Variants in DCC observed in about 807,000 individuals in gnomAD.
DCC encodes the protein DCC netrin 1 receptor, also known as netrin receptor DCC.
In DCC, 58 loss-of-function variants were observed where a neutral mutation model predicts 172.5. The observed-to-expected ratio is 0.34, with a 90% CI of 0.27 to 0.42. The LOEUF (loss-of-function observed/expected upper bound fraction) is 0.42, where lower values mean the gene tolerates loss of function less well. DCC is among the 10% of genes least tolerant of loss of function. The pLI is 1.00. For synonymous variants in DCC, 709 were observed against 644.5 expected (o/e 1.10, Z -1.52); for missense variants, 1,740 against 1,791.0 (o/e 0.97, Z 0.51).
chr18:53,012,231 A>G (rs2041740619), intron 5 of DCC, among the ~76,000 whole-genome samples: 2 of 152,112 alleles, frequency 1.3e-5, no homozygotes, highest in Middle Eastern at 6.8e-3. Flanking sequence ...AAAATTGCCA[A>G]AAGAAGGTAT....
At chr18:52,556,452 C>A (rs766539814) in intron 1 of DCC, among the ~76,000 whole-genome samples, 3 of 152,038 alleles carry the variant, frequency 2.0e-5, no homozygotes, top group African/African-American at 7.2e-5. Flanking sequence ...TGAAGGAGAA[C>A]AAACTTGGTA....
chr18:53,471,499 C>G (rs377195816), intron 25 of DCC, among the ~76,000 whole-genome samples: 1 of 152,114 alleles, frequency 6.6e-6, no homozygotes. Context: ...TAATGTTGTT[C>G]CTCTGTGACT....
chr18:52,395,953 A>G (rs1172926098), intron 1 of DCC, among the ~76,000 whole-genome samples: 4 of 152,120 alleles, frequency 2.6e-5, no homozygotes, highest in Admixed American at 6.6e-5. Context: ...AGATTCACAT[A>G]AGTCAGGATA....
At chr18:52,702,981 G>A (rs534834644) in intron 1 of DCC, among the ~76,000 whole-genome samples, 1 of 149,692 alleles carries the variant, frequency 6.7e-6, no homozygotes, top group Non-Finnish European at 1.5e-5. Flanking sequence ...GAAAATCAAG[G>A]TTCTGAGTGT....
chr18:52,784,420 A>T (rs767576440), intron 2 of DCC, among the ~76,000 whole-genome samples: 5 of 152,052 alleles, frequency 3.3e-5, no homozygotes, highest in Non-Finnish European at 5.9e-5. Context: ...TCTCCATTGG[A>T]TAAATACCTA....
At chr18:53,247,607 A>G (rs1053383015) in intron 12 of DCC, among the ~76,000 whole-genome samples, 18 of 152,016 alleles carry the variant, frequency 1.2e-4, no homozygotes, top group African/African-American at 3.6e-4. Flanking sequence ...GGAGTCACAT[A>G]AAGATGTAGA....
At chr18:52,787,603 A>G (rs1444084646) in intron 2 of DCC, among the ~76,000 whole-genome samples, 2 of 152,116 alleles carry the variant, frequency 1.3e-5, no homozygotes, top group Non-Finnish European at 2.9e-5. Flanking sequence ...ATCCCATGCA[A>G]CTAAACATGT....
chr18:52,367,045 C>T lies in DCC; in HGVS notation c.91+26167C>T, dbSNP rs554033325. ...GGCGGGCTACAGGTCCCGAGCCCTGCCCCGCGGGAAGGCAGCTAAGGCACG... is the reference window on the plus strand; with the variant it reads ...GGCGGGCTACAGGTCCCGAGCCCTGTCCCGCGGGAAGGCAGCTAAGGCACG... On this transcript the variant is annotated intron_variant, in intron 1 of 28. Transcript: ENST00000442544. Among the ~76,000 whole-genome samples the T allele has an allele frequency of 2.6e-5, 4 of 152,338 alleles. No homozygotes were observed. The South Asian group carries it at 6.2e-4, about 24-fold the overall frequency.
chr18:52,785,086 G>A (rs936594239), intron 2 of DCC, among the ~76,000 whole-genome samples: 1 of 151,960 alleles, frequency 6.6e-6, no homozygotes, highest in Non-Finnish European at 1.5e-5. Context: ...TTTACATAGT[G>A]CACAGGGAAG....
chr18:52,918,430 G>A (rs923102957), intron 3 of DCC, among the ~76,000 whole-genome samples: 3 of 151,986 alleles, frequency 2.0e-5, no homozygotes, highest in Non-Finnish European at 4.4e-5. Flanking sequence ...TATTCTTACC[G>A]AGCTTAGAGG....
intron 7 of DCC, among the ~76,000 whole-genome samples, chr18:53,129,828 T>C (rs560317777): frequency 9.8e-5 from 15 of 152,294 alleles, no homozygotes; most frequent in African/African-American, 2.6e-4. Flanking sequence ...TTAGCACTTA[T>C]GTTTTCATTT....
intron 12 of DCC, among the ~76,000 whole-genome samples, chr18:53,274,171 C>T (rs1381957282): frequency 1.3e-5 from 2 of 152,128 alleles, no homozygotes; most frequent in East Asian, 3.9e-4. Flanking sequence ...TATATATTCA[C>T]ACACAAGTAC....
At chr18:53,057,772 A>G (rs892957193) in intron 5 of DCC, among the ~76,000 whole-genome samples, 1 of 152,140 alleles carries the variant, frequency 6.6e-6, no homozygotes, top group African/African-American at 2.4e-5. Context: ...CAAAAAGCCT[A>G]AAGTAGTGAA....
chr18:52,916,061 TTTTA>T (rs1224873707), intron 3 of DCC, among the ~76,000 whole-genome samples: 22 of 152,144 alleles, frequency 1.4e-4, no homozygotes. Flanking sequence ...AAATTATTAA[TTTTA>T]TTGTCTCGAT....
At chr18:52,525,335 T>G (rs2031950584) in intron 1 of DCC, among the ~76,000 whole-genome samples, 1 of 152,196 alleles carries the variant, frequency 6.6e-6, no homozygotes, top group Non-Finnish European at 1.5e-5. Context: ...CTTTAGCCCC[T>G]TTCATGCCCA....
At chr18:53,408,868 A>T (rs1012693416) in intron 19 of DCC, among the ~76,000 whole-genome samples, 1 of 152,190 alleles carries the variant, frequency 6.6e-6, no homozygotes, top group African/African-American at 2.4e-5. Flanking sequence ...GGGCTTCCAG[A>T]TGTTGGAGAT....
Position 52,693,297 on chromosome 18 carries a change from A to T in DCC, c.92-58757A>T, listed in dbSNP as rs546740039. Among the ~76,000 whole-genome samples, 97 of 149,500 alleles carry T rather than the reference A, an allele frequency of 6.5e-4. No individual in the cohort carries two copies. The South Asian group carries it at 9.8e-3, about 15-fold the overall frequency. The stretch of plus-strand genomic sequence containing the variant: ...TATATTTAATACATACACATTATAT[A>T]TTAAGTGTATATATTACAATATCTA... On this transcript the variant is annotated intron_variant, in intron 1 of 28. Coordinates refer to ENST00000442544, the MANE Select transcript of DCC (RefSeq NM_005215.4).
At chr18:53,509,943 T>C in intron 27 of DCC, among the ~76,000 whole-genome samples, 1 of 152,236 alleles carries the variant, frequency 6.6e-6, no homozygotes. Context: ...TAGAAACACC[T>C]GAGGCTTTGT....
At position 52,759,375 on chromosome 18, in the gene DCC, T is replaced by C. The variant is rs553114583; in HGVS notation, c.412+7001T>C. Among the ~76,000 whole-genome samples the C allele has an allele frequency of 1.0e-3, 154 of 152,320 alleles. 2 individuals are homozygous for C. The South Asian group carries it at 0.03, about 30-fold the overall frequency. On this transcript the variant is annotated intron_variant, in intron 2 of 28. Transcript: ENST00000442544. The stretch of plus-strand genomic sequence containing the variant: ...TTACAATAGAGAACTTGACAAGGCT[T>C]TTTATAGTAGAAACATCAACAAAAT...
Sources: gnomAD v4.1 joint callset for allele counts (sites outside exome capture counted in the v4.1 genomes callset) on GRCh38, gnomAD v4.1.1 for gene constraint, MANE v1.5 for transcripts, NCBI Gene and HGNC (gene_info 2026-07-23, HGNC 2026-07-21) for gene names.